The following PLEKHB1 variants were observed in gnomAD, a reference collection of about 807,000 sequenced individuals.
The protein encoded by PLEKHB1 is pleckstrin homology domain containing B1, also known as pleckstrin homology domain-containing family B member 1.
In PLEKHB1, 29 loss-of-function variants were observed where a neutral mutation model predicts 36.2. That is an observed-to-expected ratio of 0.80 (90% CI 0.60 to 1.09). PLEKHB1 has a LOEUF of 1.09. Ranked by LOEUF, PLEKHB1 falls within the 50% of genes least tolerant of loss-of-function variation. PLEKHB1 has a pLI of 0.00. For synonymous variants in PLEKHB1, 138 were observed against 140.0 expected (o/e 0.99, Z 0.10); for missense variants, 330 against 348.2 (o/e 0.95, Z 0.42).
chr11:73,655,729 G>A lies in PLEKHB1; in HGVS notation c.391-74G>A. On this transcript the variant is annotated intron_variant, in intron 5 of 7. Coordinates refer to ENST00000354190, the MANE Select transcript of PLEKHB1 (RefSeq NM_021200.3). ...GGTAGGGTCTGGAAAGAGCTCTTGA[G>A]TCTCTTTAGGTGTAGAGGGCCTCTG... 2.3e-6 allele frequency: 3 copies of A among 1,313,752 alleles called. 1 individual carries two copies. The South Asian group carries it at 3.7e-5, about 16-fold the overall frequency. 81.4% of individuals were successfully genotyped at this position (1,313,752 alleles called of 1,614,324 possible).
intron 1 of PLEKHB1, among the ~76,000 whole-genome samples, 196 bp downstream of exon 1, chr11:73,646,822 C>G (rs1428672740): frequency 6.6e-6 from 1 of 152,104 alleles, no homozygotes; most frequent in Non-Finnish European, 1.5e-5. Context: ...GTGATAGATA[C>G]AGAAAGTCTT....
At chr11:73,658,399 CT>C (rs1247437550) in intron 6 of PLEKHB1, among the ~76,000 whole-genome samples, 1 of 152,170 alleles carries the variant, frequency 6.6e-6, no homozygotes, top group Non-Finnish European at 1.5e-5. Context: ...CATAGCTTGG[CT>C]TTTCCTACTC....
Position 73,652,135 on chromosome 11 carries a change from G to T in PLEKHB1, c.350+245G>T. The T allele has an allele frequency of 5.7e-6, 3 of 528,378 alleles. No homozygotes were observed. The South Asian group carries it at 6.7e-5, about 12-fold the overall frequency. The allele number at this position is 528,378 out of a possible 1,614,324, so 32.7% of individuals were successfully genotyped here. A position where few individuals can be genotyped will look rare whatever the true frequency, so the allele number is the denominator to read the frequency against. On this transcript the variant is annotated intron_variant, in intron 4 of 7. Transcript: ENST00000354190. ...TGCTGAGGGGGAGGTGTGCACACCT[G>T]CCTCAGGTATCTGGTTCCTGGTCTT...
In PLEKHB1 at chr11:73,660,818, G is replaced by A. The variant is rs372238494; in HGVS notation, c.561G>A (p.Thr187=). Residue 187 remains threonine (T), a synonymous_variant, in exon 7 of 8, where the codon ACG becomes ACA. Coordinates refer to ENST00000354190, the MANE Select transcript of PLEKHB1 (RefSeq NM_021200.3). ...TGCCCCCCAATGCACACGAGGCCAC[G>A]TATGTCCGCAGCTACTACGGACCGC... is the stretch of plus-strand genomic sequence containing the variant. ...EVVPPNAHEA[T]YVRSYYGPPY... 3.1e-4 allele frequency: 494 copies of A among 1,600,760 alleles called. 1 individual carries two copies. Among genetic ancestry groups the A allele is most frequent in the Non-Finnish European group, 3.4e-4 (395 of 1,175,008 alleles).
rs1354431488 is a variant in PLEKHB1 at position 73,662,762 on chromosome 11, G to A, written c.*1160G>A. The A allele has an allele frequency of 6.6e-6, 1 of 152,156 alleles. No homozygotes were observed. Among genetic ancestry groups the A allele is most frequent in the Admixed American group, 6.5e-5 (1 of 15,272 alleles). The allele number at this position is 152,156 out of a possible 1,614,324, so 9.4% of individuals were successfully genotyped here. ...GCCCACTAAAGCTCCCCTGTAAATG[G>A]GGGCTCCATTAGTTCTGCTGCCGAG... On this transcript the variant is annotated 3_prime_UTR_variant, in exon 8 of 8. Coordinates refer to ENST00000354190, the MANE Select transcript of PLEKHB1 (RefSeq NM_021200.3).
Position 73,661,550 on chromosome 11 carries a change from C to T in PLEKHB1, c.680C>T (p.Ala227Val). Residue 227 changes from alanine to valine, a missense_variant, in exon 8 of 8, where the codon GCC becomes GTC. Ala to Val is a moderately conservative substitution (Grantham distance 64). Coordinates refer to ENST00000354190, the MANE Select transcript of PLEKHB1 (RefSeq NM_021200.3). The surrounding 1 kb of genome is among the most constrained non-coding windows in gnomAD (Gnocchi z 4.6). ...CTGGCCATGGGCATGCTTGCGGGAG[C>T]CGCCACTGGGGCGGCGCTGGGCTCG... ...APLAMGMLAG[A>V]ATGAALGSLM... 3 of 1,610,132 alleles carry T rather than the reference C, an allele frequency of 1.9e-6. No individual in the cohort carries two copies. Among genetic ancestry groups the T allele is most frequent in the African/African-American group, 1.3e-5 (1 of 74,980 alleles).
At chr11:73,651,352 T>C (rs1944887789) in intron 3 of PLEKHB1, 1 of 370,218 alleles carries the variant, frequency 2.7e-6, no homozygotes, top group Admixed American at 3.4e-5. Context: ...AGACCCTGTC[T>C]CAAAAAAAAA....
At chr11:73,648,051 A>C in intron 1 of PLEKHB1, 1 of 929,410 alleles carries the variant, frequency 1.1e-6, no homozygotes, top group Non-Finnish European at 1.3e-6. Flanking sequence ...AACAGGAGTA[A>C]GGATTCCCTT....
At chr11:73,660,938 A>G in intron 7 of PLEKHB1, 86 bp downstream of exon 7, 5 of 1,234,754 alleles carry the variant, frequency 4.0e-6, no homozygotes, top group Non-Finnish European at 5.8e-6. Context: ...AGTCCGGACC[A>G]GGCTTCATCC....
chr11:73,661,034 C>T lies in PLEKHB1; in HGVS notation c.595+182C>T. On this transcript the variant is annotated intron_variant, in intron 7 of 7. Coordinates refer to ENST00000354190, the MANE Select transcript of PLEKHB1 (RefSeq NM_021200.3). This position sits in a 1 kb window ranked among gnomAD's most constrained non-coding sequence, Gnocchi z 4.6. ...CTGGGAGAGCTCTGGAACCAGCGTT[C>T]GTCTCGAGCTGACCTCACCCTTCTG... 1.5e-6 allele frequency: 1 copy of T among 652,610 alleles called. No homozygotes were observed. Among genetic ancestry groups the T allele is most frequent in the Non-Finnish European group, 2.7e-6 (1 of 376,978 alleles). 40.4% of individuals were successfully genotyped at this position (652,610 alleles called of 1,614,324 possible).
chr11:73,652,942 C>T (rs780323698), intron 4 of PLEKHB1, 33 bp from the exon 5 acceptor site: 1 of 1,589,214 alleles, frequency 6.3e-7, no homozygotes, highest in Middle Eastern at 1.7e-4. Context: ...CCCCAAACTC[C>T]CTCCTCATGG....
rs181231412 is a variant in PLEKHB1 at position 73,660,083 on chromosome 11, A to G, written c.496-670A>G. On this transcript the variant is annotated intron_variant, in intron 6 of 7. Coordinates refer to ENST00000354190, the MANE Select transcript of PLEKHB1 (RefSeq NM_021200.3). ...TCTACATTTATATATGATTAGTTAGATAACAAATACCATTGTGTTACAATT... is the reference window on the plus strand; with the variant it reads ...TCTACATTTATATATGATTAGTTAGGTAACAAATACCATTGTGTTACAATT... 2.1e-4 allele frequency among the ~76,000 whole-genome samples: 32 copies of G among 152,364 alleles called. No homozygotes were observed. In the East Asian group the frequency reaches 5.2e-3, roughly 25 times the overall value.
chr11:73,649,396 G>A (rs1944841232), intron 2 of PLEKHB1, among the ~76,000 whole-genome samples: 2 of 151,978 alleles, frequency 1.3e-5, no homozygotes, highest in East Asian at 1.9e-4. Flanking sequence ...TTTTCACGGC[G>A]CCTTACAGTG....
chr11:73,658,773 C>T (rs1282312652), intron 6 of PLEKHB1, among the ~76,000 whole-genome samples: 1 of 152,200 alleles, frequency 6.6e-6, no homozygotes, highest in Admixed American at 6.5e-5. Flanking sequence ...TGCATCACCA[C>T]ACTCAGCTAA....
chr11:73,647,962 C>T, intron 1 of PLEKHB1: 1 of 985,496 alleles, frequency 1.0e-6, no homozygotes, highest in Non-Finnish European at 1.2e-6. Context: ...GAACAGAGGG[C>T]ACCTACCTGG....
chr11:73,661,766 C>T lies in PLEKHB1; in HGVS notation c.*164C>T. ...CCCCCCACTCCCTACCCTTAATCCCCACATGGGAAGAAGCTATCATCACAG... is the reference window on the plus strand; with the variant it reads ...CCCCCCACTCCCTACCCTTAATCCCTACATGGGAAGAAGCTATCATCACAG... On this transcript the variant is annotated 3_prime_UTR_variant, in exon 8 of 8. Coordinates refer to ENST00000354190, the MANE Select transcript of PLEKHB1 (RefSeq NM_021200.3). The surrounding 1 kb of genome is among the most constrained non-coding windows in gnomAD (Gnocchi z 4.6). 1.2e-6 allele frequency: 1 copy of T among 842,686 alleles called. No homozygotes were observed. Among genetic ancestry groups the T allele is most frequent in the Non-Finnish European group, 1.8e-6 (1 of 569,504 alleles). The allele number at this position is 842,686 out of a possible 1,614,324, so 52.2% of individuals were successfully genotyped here. A position where few individuals can be genotyped will look rare whatever the true frequency, so the allele number is the denominator to read the frequency against.
intron 6 of PLEKHB1, among the ~76,000 whole-genome samples, chr11:73,657,772 C>T (rs2293349): frequency 1.3e-5 from 2 of 152,184 alleles, no homozygotes; most frequent in Admixed American, 6.5e-5. Context: ...ATCCCTCCAA[C>T]CCCTTTTGGG....
chr11:73,648,928 T>A, intron 1 of PLEKHB1, 84 bp from the exon 2 acceptor site: 1 of 1,517,798 alleles, frequency 6.6e-7, no homozygotes, highest in Non-Finnish European at 8.8e-7. Context: ...GTTTCCTGGG[T>A]GGCTCCCCAG....
rs949668612 is a variant in PLEKHB1, at chr11:73,661,419, T to G, written c.596-47T>G. 5 of 1,604,954 alleles carry G rather than the reference T, an allele frequency of 3.1e-6. No homozygotes were observed. Among genetic ancestry groups the G allele is most frequent in the Non-Finnish European group, 4.3e-6 (5 of 1,172,218 alleles). ...TGCAGGAAGGGTACGAAGATCACTC[T>G]ACTCCCTCCTAAGTCGCTGATCCTC... On this transcript the variant is annotated intron_variant, in intron 7 of 7. Transcript: ENST00000354190. This position sits in a 1 kb window ranked among gnomAD's most constrained non-coding sequence, Gnocchi z 4.6.
Sources: allele counts gnomAD v4.1 joint callset (sites outside exome capture counted in the v4.1 genomes callset), GRCh38; gene constraint gnomAD v4.1.1; non-coding constraint Gnocchi (gnomAD v3.1); transcripts MANE v1.5; gene names NCBI Gene and HGNC (gene_info 2026-07-23, HGNC 2026-07-21).